Variants in WWC1 observed in about 807,000 individuals in gnomAD.
WWC1 encodes the protein protein KIBRA.
Under a neutral mutation model 138.4 loss-of-function variants are expected in WWC1, and 55 were observed. That is an observed-to-expected ratio of 0.40 (90% CI 0.32 to 0.50). WWC1 has a LOEUF of 0.50. Among genes scored for constraint, WWC1 ranks in the 20% least tolerant of loss-of-function variants. The pLI, the probability that WWC1 is intolerant of heterozygous loss-of-function variation, is 0.72. For missense variants in WWC1, 1,226 were observed against 1,420.4 expected (o/e 0.86, Z 2.20); for synonymous variants, 524 against 564.9 (o/e 0.93, Z 1.03).
chr5:168,454,903 G>C (rs1453180724), intron 18 of WWC1, among the ~76,000 whole-genome samples: 2 of 152,242 alleles, frequency 1.3e-5, no homozygotes, highest in Non-Finnish European at 2.9e-5. Context: ...TGATGGGTTG[G>C]TTTTAAAAAC....
chr5:168,299,014 G>A (rs1355017567), intron 1 of WWC1, among the ~76,000 whole-genome samples: 2 of 152,180 alleles, frequency 1.3e-5, no homozygotes, highest in African/African-American at 2.4e-5. Flanking sequence ...GAACCCAGGA[G>A]GCGGAGGTTG....
chr5:168,426,512 G>C (rs890928751), intron 11 of WWC1, among the ~76,000 whole-genome samples: 2 of 152,190 alleles, frequency 1.3e-5, no homozygotes, highest in African/African-American at 2.4e-5. Context: ...AGCCTTCCCT[G>C]CAGCAAGCAA....
At chr5:168,312,872 A>G (rs1771242493) in intron 1 of WWC1, among the ~76,000 whole-genome samples, 1 of 147,580 alleles carries the variant, frequency 6.8e-6, no homozygotes, top group African/African-American at 2.5e-5. Flanking sequence ...CTGGATTGCA[A>G]TGGCATGATC....
intron 1 of WWC1, among the ~76,000 whole-genome samples, chr5:168,306,871 A>G (rs1770606790): frequency 6.6e-6 from 1 of 152,264 alleles, no homozygotes; most frequent in South Asian, 2.1e-4. Flanking sequence ...TGCTGGGATT[A>G]TAGGCGTAAG....
chr5:168,390,765 C>T (rs1388408437), intron 3 of WWC1, among the ~76,000 whole-genome samples: 3 of 152,262 alleles, frequency 2.0e-5, no homozygotes, highest in African/African-American at 7.2e-5. Context: ...GGGGCCCTGC[C>T]TTGGGGGTGG....
At position 168,415,952 on chromosome 5, in the gene WWC1, C is replaced by T. The variant is rs1780617431; in HGVS notation, c.1184+1362C>T. The T allele has an allele frequency of 1.3e-5, 2 of 151,934 alleles. 1 individual carries two copies. The allele number at this position is 151,934 out of a possible 1,614,324, so 9.4% of individuals were successfully genotyped here. On this transcript the variant is annotated intron_variant, in intron 9 of 22. Transcript: ENST00000265293. ...CAGTCTATGAAGCAAGTAAACGTGC[C>T]TACTGCCTCAGTGGAAGCAGTCGGG...
At chr5:168,447,481 A>G (rs1183733580) in intron 17 of WWC1, among the ~76,000 whole-genome samples, 1 of 152,214 alleles carries the variant, frequency 6.6e-6, no homozygotes, top group East Asian at 1.9e-4. Flanking sequence ...AACGTCATTT[A>G]TGGACACTGA....
At chr5:168,468,645 A>G (rs1757498914) in intron 22 of WWC1, among the ~76,000 whole-genome samples, 1 of 152,220 alleles carries the variant, frequency 6.6e-6, no homozygotes, top group Admixed American at 6.5e-5. Flanking sequence ...TAAACTGAGA[A>G]GCCTCTGACT....
rs1256883019 is a variant in WWC1 at position 168,428,823 on chromosome 5, T to A, written c.2000+36T>A. On this transcript the variant is annotated intron_variant, in intron 13 of 22. Transcript: ENST00000265293. The stretch of plus-strand genomic sequence containing the variant: ...AGGACGAGGAGGACAGAAGGAACGG[T>A]CTGTGTGGGGTCCCTTCTTCATCCA... The A allele has an allele frequency of 2.5e-6, 4 of 1,609,338 alleles. No homozygotes were observed. The South Asian group carries it at 3.3e-5, about 13-fold the overall frequency.
At chr5:168,439,280 T>C (rs992265473) in intron 15 of WWC1, among the ~76,000 whole-genome samples, 1 of 152,170 alleles carries the variant, frequency 6.6e-6, no homozygotes, top group Non-Finnish European at 1.5e-5. Flanking sequence ...ATTGTATGGA[T>C]AGATTATAGT....
At chr5:168,408,876 G>A (rs1362366235) in intron 7 of WWC1, among the ~76,000 whole-genome samples, 1 of 152,154 alleles carries the variant, frequency 6.6e-6, no homozygotes, top group East Asian at 1.9e-4. Flanking sequence ...ACTGACGGAC[G>A]TCATGGCCCT....
intron 1 of WWC1, among the ~76,000 whole-genome samples, chr5:168,314,834 G>A (rs1771434477): frequency 6.6e-6 from 1 of 152,176 alleles, no homozygotes; most frequent in South Asian, 2.1e-4. Context: ...TGGCATGAGG[G>A]TGGCAGGAGG....
chr5:168,362,612 G>A (rs1482125413), intron 1 of WWC1, among the ~76,000 whole-genome samples: 6 of 152,198 alleles, frequency 3.9e-5, no homozygotes, highest in Non-Finnish European at 8.8e-5. Flanking sequence ...CAGGTTGTCC[G>A]TTGGCTTTAC....
At chr5:168,344,302 T>C (rs1452383176) in intron 1 of WWC1, among the ~76,000 whole-genome samples, 1 of 152,220 alleles carries the variant, frequency 6.6e-6, no homozygotes, top group Non-Finnish European at 1.5e-5. Flanking sequence ...TTGTCTTCCC[T>C]GTGCTTGAGA....
At chr5:168,435,633 A>G (rs1782288971) in intron 15 of WWC1, among the ~76,000 whole-genome samples, 1 of 150,876 alleles carries the variant, frequency 6.6e-6, no homozygotes, top group African/African-American at 2.4e-5. Context: ...CTGGTCTTGA[A>G]CTCCTGGGCT....
At chr5:168,409,223 G>A (rs1780036408) in intron 7 of WWC1, among the ~76,000 whole-genome samples, 1 of 152,182 alleles carries the variant, frequency 6.6e-6, no homozygotes, top group African/African-American at 2.4e-5. Context: ...TTTTACTAGA[G>A]CCAGCAACAT....
rs564400301 is a variant in WWC1 at position 168,341,808 on chromosome 5, A to T, written c.120-29616A>T. Among the ~76,000 whole-genome samples, 3 of 152,296 alleles carry T rather than the reference A, an allele frequency of 2.0e-5. No homozygotes were observed. In the South Asian group the frequency reaches 6.2e-4, roughly 32 times the overall value. ...TCCCTGGCCCCTTAAGTGAGCCATGAAAAGGACCTGGTGATTCACCCACAG... is the reference window on the plus strand; with the variant it reads ...TCCCTGGCCCCTTAAGTGAGCCATGTAAAGGACCTGGTGATTCACCCACAG... On this transcript the variant is annotated intron_variant, in intron 1 of 22. Transcript: ENST00000265293.
intron 1 of WWC1, among the ~76,000 whole-genome samples, chr5:168,347,407 A>G (rs1774568044): frequency 1.3e-5 from 2 of 152,190 alleles, no homozygotes; most frequent in African/African-American, 4.8e-5. Flanking sequence ...CCTTGCCTGG[A>G]GAGGGAATTT....
chr5:168,374,910 A>C (rs1483200735), intron 2 of WWC1, among the ~76,000 whole-genome samples: 3 of 152,190 alleles, frequency 2.0e-5, no homozygotes, highest in African/African-American at 7.2e-5. Flanking sequence ...ATTGCATGTA[A>C]AGTATGAAAG....
Sources: gnomAD v4.1 joint callset for allele counts (sites outside exome capture counted in the v4.1 genomes callset) on GRCh38, gnomAD v4.1.1 for gene constraint, MANE v1.5 for transcripts, NCBI Gene and HGNC (gene_info 2026-07-23, HGNC 2026-07-21) for gene names.